MYO7A: variants seen among roughly 807,000 people sequenced by gnomAD.
MYO7A encodes myosin VIIA.
In MYO7A, 210 loss-of-function variants were observed where a neutral mutation model predicts 263.8. The ratio of observed to expected loss-of-function variants is 0.80; its 90% confidence interval spans 0.71 to 0.89. The LOEUF is 0.89. MYO7A is among the 40% of genes least tolerant of loss of function. The pLI is 0.00. For missense variants in MYO7A, 2,820 were observed against 2,968.3 expected, an observed-to-expected ratio of 0.95 and a Z score of 1.16; for synonymous variants, 1,239 against 1,197.3, an observed-to-expected ratio of 1.03 and a Z score of -0.72.
At chr11:77,134,201 G>A (rs1950848415) in intron 2 of MYO7A, among the ~76,000 whole-genome samples, 1 of 152,196 alleles carries the variant, frequency 6.6e-6, no homozygotes, top group African/African-American at 2.4e-5. Flanking sequence ...AAACTGCTGG[G>A]ATTACAGGTG....
Position 77,198,511 on chromosome 11 carries a change from G to A in MYO7A, c.4458G>A (p.Lys1486=). 6.2e-7 allele frequency: 1 copy of A among 1,613,896 alleles called. No homozygotes were observed. The highest frequency in any genetic ancestry group is 8.5e-7 in the Non-Finnish European group (1 of 1,179,886). The change falls in exon 34 of 49, where the codon AAG becomes AAA. Residue 1486 remains lysine (K), a synonymous_variant. Transcript: ENST00000409709. ...TCGTCCCAGGCCCCAGTCTCCCCAA[G>A]AACGACGTCATCGTGGCCGTCAACT... is the stretch of plus-strand genomic sequence containing the variant. ...AYKFSGPSLP[K]NDVIVAVNWT... is the part of the protein sequence containing the mutation.
At chr11:77,208,972 A>G in intron 44 of MYO7A, 169 bp downstream of exon 44, 1 of 610,912 alleles carries the variant, frequency 1.6e-6, no homozygotes. Flanking sequence ...CCAACCCCTG[A>G]TCCTTGTATC....
Position 77,158,304 on chromosome 11 carries a change from G to C in MYO7A, c.877G>C (p.Val293Leu), listed in dbSNP as rs782431334. The part of the protein sequence containing the change: ...MGNCITCEGR[V>L]DSQEYANIRS... ...TAACTGCATAACCTGTGAGGGCCGGGTGGACAGCCAGGAGTACGCCAACAT... is the reference window on the plus strand; with the variant it reads ...TAACTGCATAACCTGTGAGGGCCGGCTGGACAGCCAGGAGTACGCCAACAT... Residue 293 changes from valine (V) to leucine (L), a missense_variant, in exon 9 of 49, where the codon GTG becomes CTG. Val to Leu is a conservative substitution (Grantham distance 32). Coordinates refer to ENST00000409709, the MANE Select transcript of MYO7A (RefSeq NM_000260.4). 3 of 1,610,128 alleles carry C rather than the reference G, an allele frequency of 1.9e-6. No homozygotes were observed. The South Asian group carries it at 3.3e-5, about 18-fold the overall frequency.
chr11:77,197,930 T>TATGTG lies in MYO7A; in HGVS notation c.4441+332_4441+333insATGTG, dbSNP rs1956785036. Among the ~76,000 whole-genome samples, 5 of 109,372 alleles carry TATGTG rather than the reference T, an allele frequency of 4.6e-5. 1 individual carries two copies. In the South Asian group the frequency reaches 1.2e-3, roughly 26 times the overall value. 71.8% of individuals were successfully genotyped at this position (109,372 alleles called of 152,430 possible). A position where few individuals can be genotyped will look rare whatever the true frequency, so the allele number is the denominator to read the frequency against. On this transcript the variant is annotated intron_variant, in intron 33 of 48. Transcript: ENST00000409709. ...CCGGTAGCGACTCCATGGCACATCT[T>TATGTG]CTGTGCTCAGTGGTGCACGGGATTG...
chr11:77,153,530 G>A (rs113217912), intron 4 of MYO7A, among the ~76,000 whole-genome samples: 35 of 152,234 alleles, frequency 2.3e-4, no homozygotes, highest in East Asian at 7.7e-4. Flanking sequence ...TTCTCACAGC[G>A]TCTCAGCATC....
chr11:77,150,058 G>A (rs933071749), intron 4 of MYO7A, among the ~76,000 whole-genome samples: 2 of 152,314 alleles, frequency 1.3e-5, no homozygotes, highest in Non-Finnish European at 2.9e-5. Flanking sequence ...CCTTAGGTGA[G>A]CAGGGAGCCT....
rs782733109 is a variant in MYO7A, at chr11:77,175,430, A to G, written c.2153A>G (p.Asp718Gly). The G allele has an allele frequency of 2.5e-6, 4 of 1,613,368 alleles. No individual in the cohort carries two copies. The highest frequency in any genetic ancestry group is 3.4e-6 in the Non-Finnish European group (4 of 1,179,868). The change falls in exon 18 of 49, where the codon GAC (aspartate) becomes GGC (glycine). Residue 718 changes from aspartate to glycine, a missense_variant. Asp to Gly is a moderately conservative substitution (Grantham distance 94). Transcript: ENST00000409709. ...GAGGCTGTGCTGGGCACCCACGATG[A>G]CTGGCAGATAGGCAAAACCAAGATC... ...MAEAVLGTHD[D>G]WQIGKTKIFL...
In MYO7A at chr11:77,182,088, G is replaced by T. The variant is rs111033507; in HGVS notation, c.3042G>T (p.Thr1014=). The change falls in exon 24 of 49, where the codon ACG becomes ACT. Residue 1014 remains threonine (T), a synonymous_variant. Transcript: ENST00000409709. The part of the protein sequence containing the change: ...FAATYFQGTT[T]HSYTRRPLKQ... ...CCACCTACTTCCAGGGGACAACCAC[G>T]CACTCCTACACCCGGCGGCCACTCA... is the stretch of plus-strand genomic sequence containing the variant. 1,966 of 1,613,324 alleles carry T rather than the reference G, an allele frequency of 1.2e-3. 23 individuals are homozygous for T. In the African/African-American group the frequency reaches 0.023, roughly 19 times the overall value.
intron 1 of MYO7A, among the ~76,000 whole-genome samples, chr11:77,129,974 C>T (rs1375076507): frequency 2.6e-5 from 4 of 151,926 alleles, no homozygotes; most frequent in East Asian, 1.9e-4. Context: ...GGGGCGGGCC[C>T]GGGCCCGGGC....
At chr11:77,155,774 A>T in intron 4 of MYO7A, 133 bp from the exon 5 acceptor site, 1 of 968,450 alleles carries the variant, frequency 1.0e-6, no homozygotes, top group Non-Finnish European at 1.5e-6. Context: ...TTCTGGCTCC[A>T]GGTCCACCCA....
At position 77,214,814 on chromosome 11, in the gene MYO7A, G is replaced by A; in HGVS notation, c.*118G>A. On this transcript the variant is annotated 3_prime_UTR_variant, in exon 49 of 49. Transcript: ENST00000409709. ...GCCATCCCGGCAGCGAGGCTGGGCTGGCCAGCCACCACTGACTATACCAAC... is the reference window on the plus strand; with the variant it reads ...GCCATCCCGGCAGCGAGGCTGGGCTAGCCAGCCACCACTGACTATACCAAC... The A allele has an allele frequency of 2.4e-6, 2 of 830,084 alleles. No homozygotes were observed. The highest frequency in any genetic ancestry group is 4.6e-5 in the Admixed American group (2 of 43,222). The allele number at this position is 830,084 out of a possible 1,614,324, so 51.4% of individuals were successfully genotyped here.
intron 22 of MYO7A, among the ~76,000 whole-genome samples, chr11:77,180,802 C>T (rs1955116954): frequency 6.6e-6 from 1 of 152,198 alleles, no homozygotes; most frequent in African/African-American, 2.4e-5. Flanking sequence ...AATAGAGAGC[C>T]ACCAGCCACA....
chr11:77,167,584 C>T (rs537695992), intron 15 of MYO7A, among the ~76,000 whole-genome samples: 34 of 152,240 alleles, frequency 2.2e-4, no homozygotes, highest in African/African-American at 7.7e-4. Flanking sequence ...GTGGCTCCCA[C>T]GGTGCTCTAG....
chr11:77,190,578 T>TGCTGGGGCCTGG, intron 29 of MYO7A, 119 bp from the exon 30 acceptor site: 1 of 1,049,180 alleles, frequency 9.5e-7, no homozygotes, highest in East Asian at 2.6e-5. Context: ...CCCAGTGAGG[T>TGCTGGGGCCTGG]ACTGGGGCCT....
At position 77,158,257 on chromosome 11, in the gene MYO7A, T is replaced by A. The variant is rs373732321; in HGVS notation, c.850-20T>A. ...ACACTGACGTCCTCTTGCACCCCACTCTCCCACCCTGCCCACCAGGGTAAC... is the reference window on the plus strand; with the variant it reads ...ACACTGACGTCCTCTTGCACCCCACACTCCCACCCTGCCCACCAGGGTAAC... On this transcript the variant is annotated intron_variant, in intron 8 of 48. Coordinates refer to ENST00000409709, the MANE Select transcript of MYO7A (RefSeq NM_000260.4). 5.1e-6 allele frequency: 8 copies of A among 1,567,480 alleles called. No individual in the cohort carries two copies. The African/African-American group carries it at 1.1e-4, about 21-fold the overall frequency.
At chr11:77,187,409 G>A (rs1591401465) in intron 27 of MYO7A, among the ~76,000 whole-genome samples, 1 of 152,228 alleles carries the variant, frequency 6.6e-6, no homozygotes, top group African/African-American at 2.4e-5. Flanking sequence ...GGAAGATAAA[G>A]CTATGAAAAC....
Position 77,162,386 on chromosome 11 carries a change from C to T in MYO7A, c.1554+56C>T, listed in dbSNP as rs1953084758. On this transcript the variant is annotated intron_variant, in intron 13 of 48. Transcript: ENST00000409709. ...TCTTGGGTGCGCACAGCTTCCTTCCCTGCTTTGAGCCCCGGCTTTCCTCAT... is the reference window on the plus strand; with the variant it reads ...TCTTGGGTGCGCACAGCTTCCTTCCTTGCTTTGAGCCCCGGCTTTCCTCAT... 3 of 1,491,404 alleles carry T rather than the reference C, an allele frequency of 2.0e-6. No homozygotes were observed. The South Asian group carries it at 3.6e-5, about 18-fold the overall frequency. 92.4% of individuals were successfully genotyped at this position (1,491,404 alleles called of 1,614,324 possible).
chr11:77,135,738 C>CTGTTT (rs57209537), intron 2 of MYO7A, among the ~76,000 whole-genome samples: 68 of 151,620 alleles, frequency 4.5e-4, no homozygotes, highest in East Asian at 1.6e-3. Context: ...TACTTATTTT[C>CTGTTT]TGTTTTGTTT....
chr11:77,141,124 G>C (rs1184100156), intron 2 of MYO7A, among the ~76,000 whole-genome samples: 1 of 152,220 alleles, frequency 6.6e-6, no homozygotes, highest in Non-Finnish European at 1.5e-5. Flanking sequence ...TCCAGCCTAG[G>C]TGTGTAGTGG....
Sources: allele counts gnomAD v4.1 joint callset (sites outside exome capture counted in the v4.1 genomes callset), GRCh38; gene constraint gnomAD v4.1.1; transcripts MANE v1.5; gene names NCBI Gene and HGNC (gene_info 2026-07-23, HGNC 2026-07-21).